Variants in FAM120A observed in about 807,000 individuals in gnomAD.
FAM120A encodes the protein constitutive coactivator of PPAR-gamma-like protein 1.
FAM120A carries 15 observed loss-of-function variants against 109.7 expected under a neutral mutation model. That is an observed-to-expected ratio of 0.14 (90% CI 0.09 to 0.21). The LOEUF is 0.21. Ranked by LOEUF, FAM120A falls within the 10% of genes least tolerant of loss-of-function variation. FAM120A has a pLI of 1.00. For missense variants in FAM120A, 899 were observed against 1,439.3 expected, an observed-to-expected ratio of 0.62 and a Z score of 6.07; for synonymous variants, 493 against 572.8, an observed-to-expected ratio of 0.86 and a Z score of 1.99.
intron 7 of FAM120A, among the ~76,000 whole-genome samples, chr9:93,524,155 C>A (rs1860967773): frequency 6.6e-6 from 1 of 152,242 alleles, no homozygotes; most frequent in Non-Finnish European, 1.5e-5. Context: ...GATAGTTCTG[C>A]TGTGAATTTG....
At chr9:93,556,648 T>G in intron 13 of FAM120A, 57 bp downstream of exon 13, 1 of 1,494,486 alleles carries the variant, frequency 6.7e-7, no homozygotes, top group Non-Finnish European at 9.3e-7. Flanking sequence ...GCTCACTGGT[T>G]AAATCTGTCA....
rs142748639 is a variant in FAM120A, at chr9:93,507,133, G to T, written c.1030+8247G>T. Among the ~76,000 whole-genome samples, 61 of 152,258 alleles carry T rather than the reference G, an allele frequency of 4.0e-4. No individual in the cohort carries two copies. In the East Asian group the frequency reaches 0.011, roughly 28 times the overall value. On this transcript the variant is annotated intron_variant, in intron 5 of 17. Coordinates refer to ENST00000277165, the MANE Select transcript of FAM120A (RefSeq NM_014612.5). Reference sequence around the variant, plus strand: ...GAGGGGATCAGAGTGGGCAAGGGCAGGTATAGGGAAAGGAGTGGGAAACTC... The same window carrying T: ...GAGGGGATCAGAGTGGGCAAGGGCATGTATAGGGAAAGGAGTGGGAAACTC...
Position 93,452,353 on chromosome 9 carries a change from C to G in FAM120A, c.438C>G (p.His146Gln). The G allele has an allele frequency of 1.2e-6, 2 of 1,611,898 alleles. No homozygotes were observed. Among genetic ancestry groups the G allele is most frequent in the Non-Finnish European group, 8.5e-7 (1 of 1,179,508 alleles). The change falls in exon 1 of 18, where the codon CAC becomes CAG. Residue 146 changes from histidine to glutamine, a missense_variant. His to Gln is a conservative substitution (Grantham distance 24). Coordinates refer to ENST00000277165, the MANE Select transcript of FAM120A (RefSeq NM_014612.5). This position sits in a 1 kb window ranked among gnomAD's most constrained non-coding sequence, Gnocchi z 7.0. ...VWFLPPVCMA[H>Q]CIRLALIRFH... ...TCCTGCCGCCCGTCTGCATGGCCCA[C>G]TGCATCCGCCTGGCGCTCATCCGCT... is the stretch of plus-strand genomic sequence containing the variant.
intron 3 of FAM120A, among the ~76,000 whole-genome samples, chr9:93,477,476 T>C (rs75135958): frequency 0.045 from 6,895 of 152,290 alleles, 265 homozygotes; most frequent in African/African-American, 0.096. Context: ...TTTCTGGCCA[T>C]AGAATCCCTC....
chr9:93,452,235 A>G lies in FAM120A; in HGVS notation c.320A>G (p.Glu107Gly). Residue 107 changes from glutamate to glycine, a missense_variant, in exon 1 of 18, where the codon GAG (glutamate) becomes GGG (glycine). By Grantham distance (98) the Glu-to-Gly change is moderately conservative. Around this residue, in one of 11 missense-constraint regions of FAM120A, gnomAD observed 258 missense variants for 451.4 expected, o/e 0.57. Coordinates refer to ENST00000277165, the MANE Select transcript of FAM120A (RefSeq NM_014612.5). This position sits in a 1 kb window ranked among gnomAD's most constrained non-coding sequence, Gnocchi z 7.0. ...GCGCTCGAGAAGGCCCGGCTGCACG[A>G]GTGGGTCAAGCGGCAGGGCAACGAG... ...NGALEKARLH[E>G]WVKRQGNERQ... The G allele has an allele frequency of 6.2e-7, 1 of 1,611,318 alleles. No homozygotes were observed. Among genetic ancestry groups the G allele is most frequent in the Non-Finnish European group, 8.5e-7 (1 of 1,179,504 alleles).
At chr9:93,513,006 A>G (rs1349403897) in intron 5 of FAM120A, among the ~76,000 whole-genome samples, 2 of 152,260 alleles carry the variant, frequency 1.3e-5, no homozygotes, top group African/African-American at 4.8e-5. Context: ...CCAAAAATCA[A>G]AAAACAAAAA....
At chr9:93,518,527 T>G (rs1276911154) in intron 7 of FAM120A, among the ~76,000 whole-genome samples, 1 of 152,208 alleles carries the variant, frequency 6.6e-6, no homozygotes, top group Non-Finnish European at 1.5e-5. Context: ...TTCATTCTCT[T>G]AGCAAGAAAT....
At chr9:93,462,477 T>C (rs912791757) in intron 1 of FAM120A, among the ~76,000 whole-genome samples, 18 of 152,214 alleles carry the variant, frequency 1.2e-4, no homozygotes, top group African/African-American at 4.3e-4. Flanking sequence ...AGACAGGGTT[T>C]CACCATCTTG....
chr9:93,557,716 AT>A, intron 13 of FAM120A, 110 bp from the exon 14 acceptor site: 2 of 1,094,264 alleles, frequency 1.8e-6, no homozygotes, highest in Non-Finnish European at 2.6e-6. Flanking sequence ...GAATTCATGA[AT>A]AAAGGGAACC....
chr9:93,502,630 G>A (rs1016180058), intron 5 of FAM120A, among the ~76,000 whole-genome samples: 4 of 151,186 alleles, frequency 2.6e-5, no homozygotes, highest in African/African-American at 9.7e-5. Context: ...CCCAGAAATT[G>A]TGTATTTTGA....
intron 2 of FAM120A, among the ~76,000 whole-genome samples, chr9:93,474,669 C>G (rs1456639522): frequency 1.3e-5 from 2 of 152,152 alleles, no homozygotes. Flanking sequence ...TCTCGCCTCA[C>G]TGCAAGCTCC....
chr9:93,465,126 C>T lies in FAM120A; in HGVS notation c.475-6015C>T, dbSNP rs962857751. Among the ~76,000 whole-genome samples the T allele has an allele frequency of 3.9e-5, 6 of 152,154 alleles. 1 individual carries two copies. The East Asian group carries it at 1.2e-3, about 29-fold the overall frequency. On this transcript the variant is annotated intron_variant, in intron 1 of 17. Transcript: ENST00000277165. Reference sequence around the variant, plus strand: ...CAAGTCTGTCAGACCAAAGCTTCAGCCCAGTACTTAACGTTTATTCTTAAT... The same window carrying T: ...CAAGTCTGTCAGACCAAAGCTTCAGTCCAGTACTTAACGTTTATTCTTAAT...
chr9:93,529,934 C>T, intron 9 of FAM120A: 1 of 497,518 alleles, frequency 2.0e-6, no homozygotes, highest in East Asian at 3.4e-5. Context: ...AGGTTTAATT[C>T]TGATGTCAGA....
intron 12 of FAM120A, among the ~76,000 whole-genome samples, chr9:93,553,744 C>G (rs1297441704): frequency 6.6e-6 from 1 of 152,138 alleles, no homozygotes; most frequent in Non-Finnish European, 1.5e-5. Context: ...GACCTTGAAC[C>G]CTCTGTGACC....
intron 10 of FAM120A, among the ~76,000 whole-genome samples, chr9:93,538,114 T>C (rs560944505): frequency 6.6e-6 from 1 of 152,158 alleles, no homozygotes; most frequent in Non-Finnish European, 1.5e-5. Flanking sequence ...ATAACATACA[T>C]GGAATGAGGA....
intron 1 of FAM120A, chr9:93,453,515 AAGTTTGTGAAATT>A: frequency 1.0e-6 from 1 of 985,402 alleles, no homozygotes; most frequent in Non-Finnish European, 1.2e-6. Flanking sequence ...CTGGAGCTGA[AAGTTTGTGAAATT>A]CTGTCTTCGC....
intron 3 of FAM120A, among the ~76,000 whole-genome samples, chr9:93,487,816 A>G (rs1005265529): frequency 6.6e-6 from 1 of 152,200 alleles, no homozygotes; most frequent in African/African-American, 2.4e-5. Context: ...ATTTTATTCC[A>G]TGTGAAGTAT....
chr9:93,539,462 G>A (rs760497940), intron 10 of FAM120A, among the ~76,000 whole-genome samples: 7 of 152,224 alleles, frequency 4.6e-5, no homozygotes, highest in Non-Finnish European at 8.8e-5. Flanking sequence ...GATTTATTCA[G>A]AGGTTTTCAG....
Position 93,529,395 on chromosome 9 carries a change from G to A in FAM120A, c.1549G>A (p.Glu517Lys), listed in dbSNP as rs907625530. ...TGCCTCTTCAGGAAGCCAACTAGCC[G>A]AAGGCAAGGGAAGCCAGATGGGCAC... The part of the protein sequence containing the change: ...STASSGSQLA[E>K]GKGSQMGTVQ... The change falls in exon 9 of 18, where the codon GAA (glutamate) becomes AAA (lysine). Residue 517 changes from glutamate (E) to lysine (K), a missense_variant. By Grantham distance (56) the Glu-to-Lys change is moderately conservative (BLOSUM62 1). Around this residue, in one of 11 missense-constraint regions of FAM120A, gnomAD observed 57 missense variants for 52.9 expected, o/e 1.08. Coordinates refer to ENST00000277165, the MANE Select transcript of FAM120A (RefSeq NM_014612.5). The A allele has an allele frequency of 5.0e-6, 8 of 1,612,794 alleles. No individual in the cohort carries two copies. Among genetic ancestry groups the A allele is most frequent in the Admixed American group, 3.3e-5 (2 of 59,902 alleles).
Sources: gnomAD v4.1 joint callset for allele counts (sites outside exome capture counted in the v4.1 genomes callset) on GRCh38, gnomAD v4.1.1 for gene constraint, gnomAD v4.1.1 regional missense constraint, Gnocchi (gnomAD v3.1) non-coding constraint, MANE v1.5 for transcripts, NCBI Gene and HGNC (gene_info 2026-07-23, HGNC 2026-07-21) for gene names.